EXO1: variants seen among roughly 807,000 people sequenced by gnomAD.
The protein encoded by EXO1 is exonuclease 1.
A neutral mutation model predicts 84.5 loss-of-function variants in EXO1; 69 were observed. The observed-to-expected ratio is 0.82, with a 90% CI of 0.67 to 1.00. EXO1 has a LOEUF of 1.00. Among genes scored for constraint, EXO1 ranks in the 50% least tolerant of loss-of-function variants. The pLI is 0.00. For missense variants in EXO1, 1,045 were observed against 1,000.7 expected (o/e 1.04, Z -0.60); for synonymous variants, 373 against 366.1 (o/e 1.02, Z -0.21).
chr1:241,850,053 G>T (rs1296827184), intron 3 of EXO1, among the ~76,000 whole-genome samples: 2 of 151,544 alleles, frequency 1.3e-5, no homozygotes, highest in African/African-American at 2.4e-5. Context: ...AGGCCGAGGC[G>T]GGCGGATCAC....
chr1:241,882,671 GGAA>G (rs1472191406), intron 14 of EXO1, among the ~76,000 whole-genome samples: 2 of 152,030 alleles, frequency 1.3e-5, no homozygotes, highest in African/African-American at 4.8e-5. Context: ...GGTCACAAAA[GGAA>G]AAGTACCAAT....
chr1:241,885,488 A>C lies in EXO1; in HGVS notation c.2386A>C (p.Lys796Gln). The C allele has an allele frequency of 6.2e-7, 1 of 1,613,382 alleles. No individual in the cohort carries two copies. The highest frequency in any genetic ancestry group is 8.5e-7 in the Non-Finnish European group (1 of 1,179,446). ...ACAGATCAAACTCAATGAGCTCTGGAAAAACTTTGGATTTAAAAAGTGAGT... is the reference window on the plus strand; with the variant it reads ...ACAGATCAAACTCAATGAGCTCTGGCAAAACTTTGGATTTAAAAAGTGAGT... ...GLQIKLNELW[K>Q]NFGFKKDSEK... is the part of the protein sequence containing the mutation. The change falls in exon 15 of 16, where the codon AAA (lysine) becomes CAA (glutamine). Residue 796 changes from lysine (K) to glutamine (Q), a missense_variant. Lys to Gln is a moderately conservative substitution (Grantham distance 53). Coordinates refer to ENST00000366548, the MANE Select transcript of EXO1 (RefSeq NM_130398.4).
At chr1:241,851,897 T>C (rs1263211357) in intron 4 of EXO1, among the ~76,000 whole-genome samples, 2 of 152,234 alleles carry the variant, frequency 1.3e-5, no homozygotes, top group African/African-American at 4.8e-5. Context: ...AGCTGTGATA[T>C]GGTGTCGTTG....
intron 8 of EXO1, among the ~76,000 whole-genome samples, chr1:241,859,185 T>C (rs1243702531): frequency 6.6e-6 from 1 of 152,222 alleles, no homozygotes; most frequent in East Asian, 1.9e-4. Context: ...TTAAACTTTA[T>C]AATAAACTCA....
chr1:241,870,064 C>A (rs1255678619), intron 11 of EXO1, among the ~76,000 whole-genome samples: 3 of 152,154 alleles, frequency 2.0e-5, no homozygotes, highest in Admixed American at 1.3e-4. Flanking sequence ...CCCGTCTGGG[C>A]CTCCCAAAGT....
chr1:241,867,953 A>G (rs1574157999), intron 11 of EXO1, among the ~76,000 whole-genome samples: 1 of 152,174 alleles, frequency 6.6e-6, no homozygotes, highest in African/African-American at 2.4e-5. Context: ...TTTCTAAAAA[A>G]AAAAAGGTCA....
intron 6 of EXO1, among the ~76,000 whole-genome samples, chr1:241,855,658 G>C (rs989773164): frequency 6.6e-6 from 1 of 152,230 alleles, no homozygotes; most frequent in Non-Finnish European, 1.5e-5. Context: ...AGGCTCGGGC[G>C]GCACAGGAGC....
intron 12 of EXO1, among the ~76,000 whole-genome samples, chr1:241,874,966 G>A (rs1456028563): frequency 2.6e-5 from 4 of 152,084 alleles, no homozygotes; most frequent in African/African-American, 9.7e-5. Flanking sequence ...AGAAGACTTC[G>A]AATGAATAGT....
In EXO1 at chr1:241,866,789, T is replaced by C. The variant is rs1462342742; in HGVS notation, c.1042-41T>C. 5.7e-6 allele frequency: 8 copies of C among 1,393,330 alleles called. No individual in the cohort carries two copies. In the South Asian group the frequency reaches 5.8e-5, roughly 10 times the overall value. 86.3% of individuals were successfully genotyped at this position (1,393,330 alleles called of 1,614,324 possible). On this transcript the variant is annotated intron_variant, in intron 10 of 15. Transcript: ENST00000366548. ...GATACAGAAGGAAATAAATTGATTA[T>C]TTTCTTTCTGCAAATAATCTTTTTC...
chr1:241,878,969 G>A lies in EXO1; in HGVS notation c.1735G>A (p.Val579Met). ...TGATCATATTCCAGACAAGGCAACA[G>A]TGTTTACAGATGAAGAGTCCTACTC... ...PGDHIPDKAT[V>M]FTDEESYSFE... Residue 579 changes from valine to methionine, a missense_variant, in exon 13 of 16, where the codon GTG becomes ATG. Coordinates refer to ENST00000366548, the MANE Select transcript of EXO1 (RefSeq NM_130398.4). 6.2e-7 allele frequency: 1 copy of A among 1,614,180 alleles called. No individual in the cohort carries two copies. Among genetic ancestry groups the A allele is most frequent in the Non-Finnish European group, 8.5e-7 (1 of 1,180,006 alleles).
At chr1:241,868,623 A>G (rs1661894740) in intron 11 of EXO1, among the ~76,000 whole-genome samples, 1 of 152,216 alleles carries the variant, frequency 6.6e-6, no homozygotes. Flanking sequence ...AGCCATGGCC[A>G]CATCACTGCG....
chr1:241,852,509 G>C, intron 5 of EXO1, 98 bp downstream of exon 5: 1 of 1,132,774 alleles, frequency 8.8e-7, no homozygotes, highest in Admixed American at 1.7e-5. Context: ...GCCAGGCTCA[G>C]TGGCTTGCAC....
chr1:241,855,321 C>A (rs576006399), intron 6 of EXO1, among the ~76,000 whole-genome samples: 1 of 152,322 alleles, frequency 6.6e-6, no homozygotes, highest in East Asian at 1.9e-4. Flanking sequence ...CAAAGGTTCT[C>A]CAAGGCCCCA....
chr1:241,889,780 A>G lies in EXO1; in HGVS notation c.*180A>G. On this transcript the variant is annotated 3_prime_UTR_variant, in exon 16 of 16. Transcript: ENST00000366548. ...TTGTGGTTTTTTTGCTCAGCTTTTTATATTTTTATAAGAAGCTAAATAGAA... is the reference window on the plus strand; with the variant it reads ...TTGTGGTTTTTTTGCTCAGCTTTTTGTATTTTTATAAGAAGCTAAATAGAA... 1.6e-6 allele frequency: 1 copy of G among 628,992 alleles called. No homozygotes were observed. The highest frequency in any genetic ancestry group is 3.8e-4 in the Middle Eastern group (1 of 2,630). 39.0% of individuals were successfully genotyped at this position (628,992 alleles called of 1,614,324 possible).
chr1:241,863,464 C>CT (rs1466959365), intron 10 of EXO1, among the ~76,000 whole-genome samples: 1 of 149,688 alleles, frequency 6.7e-6, no homozygotes, highest in East Asian at 1.9e-4. Context: ...ATTAAGGGAA[C>CT]TCTTAGATTG....
chr1:241,850,058 G>A (rs1660568915), intron 3 of EXO1, among the ~76,000 whole-genome samples: 1 of 151,860 alleles, frequency 6.6e-6, no homozygotes, highest in Admixed American at 6.6e-5. Context: ...GAGGCGGGCG[G>A]ATCACGAGTT....
At chr1:241,883,684 C>T (rs936132779) in intron 14 of EXO1, among the ~76,000 whole-genome samples, 1 of 152,040 alleles carries the variant, frequency 6.6e-6, no homozygotes, top group African/African-American at 2.4e-5. Flanking sequence ...TATCTACTAA[C>T]TTGAAAAGAC....
intron 6 of EXO1, among the ~76,000 whole-genome samples, chr1:241,856,263 CTTT>C (rs11301251): frequency 2.1e-5 from 3 of 143,860 alleles, no homozygotes; most frequent in African/African-American, 2.5e-5. Flanking sequence ...TTCTTTTTTT[CTTT>C]TTTTTTTTTT....
intron 12 of EXO1, 63 bp downstream of exon 12, chr1:241,872,341 TTG>T: frequency 1.3e-6 from 2 of 1,558,802 alleles, no homozygotes; most frequent in South Asian, 1.1e-5. Context: ...GGTATTTATT[TTG>T]TCTTTTTTTA....
Sources: gnomAD v4.1 joint callset for allele counts (sites outside exome capture counted in the v4.1 genomes callset) on GRCh38, gnomAD v4.1.1 for gene constraint, MANE v1.5 for transcripts, NCBI Gene and HGNC (gene_info 2026-07-23, HGNC 2026-07-21) for gene names.